PLEKHA5: variants seen among roughly 807,000 people sequenced by gnomAD.
PLEKHA5 encodes pleckstrin homology domain containing A5.
PLEKHA5 carries 55 observed loss-of-function variants against 181.9 expected under a neutral mutation model. The observed-to-expected ratio is 0.30, with a 90% CI of 0.24 to 0.38. PLEKHA5 has a LOEUF of 0.38. Ranked by LOEUF, PLEKHA5 falls within the 10% of genes least tolerant of loss-of-function variation. The probability of loss-of-function intolerance (pLI) is 1.00; values close to 1 mark genes in which losing one functional copy is unlikely to be tolerated. For synonymous variants in PLEKHA5, 535 were observed against 529.4 expected, an observed-to-expected ratio of 1.01 and a Z score of -0.15; for missense variants, 1,432 against 1,549.5, an observed-to-expected ratio of 0.92 and a Z score of 1.27.
At chr12:19,366,474 G>A (rs529313940) in intron 30 of PLEKHA5, among the ~76,000 whole-genome samples, 21 of 152,218 alleles carry the variant, frequency 1.4e-4, no homozygotes, top group Admixed American at 3.3e-4. Flanking sequence ...CCAAGATAGT[G>A]AAACCCCGTC....
At chr12:19,272,763 T>C (rs1006728258) in intron 10 of PLEKHA5, among the ~76,000 whole-genome samples, 3 of 152,194 alleles carry the variant, frequency 2.0e-5, no homozygotes, top group African/African-American at 7.2e-5. Context: ...ATAATCATGA[T>C]GACAGTAATA....
Position 19,336,625 on chromosome 12 carries a change from G to A in PLEKHA5, c.2550+9G>A. The A allele has an allele frequency of 6.8e-7, 1 of 1,461,056 alleles. No homozygotes were observed. The allele number at this position is 1,461,056 out of a possible 1,614,324, so 90.5% of individuals were successfully genotyped here. ...ACCTTGGTGAAGTTCAGGTACAAAA[G>A]TATAATATTCTTTATATTGTTTTAA... On this transcript the variant is annotated intron_variant, in intron 21 of 31. Coordinates refer to ENST00000429027, the MANE Select transcript of PLEKHA5 (RefSeq NM_001256470.2).
intron 29 of PLEKHA5, among the ~76,000 whole-genome samples, chr12:19,364,547 C>A (rs1202538533): frequency 6.6e-6 from 1 of 151,960 alleles, no homozygotes; most frequent in African/African-American, 2.4e-5. Flanking sequence ...CTTTGCTAGC[C>A]CTAATGCCAT....
intron 20 of PLEKHA5, among the ~76,000 whole-genome samples, chr12:19,330,829 A>G (rs1408829955): frequency 6.6e-6 from 1 of 152,154 alleles, no homozygotes; most frequent in Non-Finnish European, 1.5e-5. Context: ...TAATTTAAAT[A>G]TCATAAGGCT....
At chr12:19,179,378 C>T (rs60354509) in intron 3 of PLEKHA5, among the ~76,000 whole-genome samples, 15,809 of 152,116 alleles carry the variant, frequency 0.1, 1,111 homozygotes, top group African/African-American at 0.2. Flanking sequence ...AAGTGTTGGC[C>T]GGGCGTGGTG....
intron 6 of PLEKHA5, among the ~76,000 whole-genome samples, chr12:19,258,099 C>G (rs2067340788): frequency 6.6e-6 from 1 of 151,790 alleles, no homozygotes; most frequent in South Asian, 2.1e-4. Context: ...AGGGTTTACT[C>G]TCAGGCGTCC....
chr12:19,132,495 T>A (rs2034221736), intron 3 of PLEKHA5, 45 bp downstream of exon 3: 2 of 939,692 alleles, frequency 2.1e-6, no homozygotes, highest in South Asian at 2.7e-5. Flanking sequence ...ATTAGAATGC[T>A]GTGATTACTC....
intron 25 of PLEKHA5, among the ~76,000 whole-genome samples, chr12:19,353,336 T>C (rs2094715044): frequency 6.6e-6 from 1 of 151,790 alleles, no homozygotes; most frequent in Admixed American, 6.6e-5. Context: ...GTATTTTTTA[T>C]AGTAGAGATA....
At chr12:19,206,981 G>A (rs1383229265) in intron 3 of PLEKHA5, among the ~76,000 whole-genome samples, 3 of 152,120 alleles carry the variant, frequency 2.0e-5, no homozygotes, top group African/African-American at 4.8e-5. Context: ...GAGGGGATAA[G>A]TCATTCGCTA....
At chr12:19,174,041 C>A (rs962781363) in intron 3 of PLEKHA5, among the ~76,000 whole-genome samples, 2 of 152,168 alleles carry the variant, frequency 1.3e-5, no homozygotes, top group Non-Finnish European at 2.9e-5. Context: ...GTAGGCATCA[C>A]AGCACAGAAA....
intron 21 of PLEKHA5, among the ~76,000 whole-genome samples, chr12:19,337,710 A>T (rs1423095340): frequency 6.6e-6 from 1 of 152,166 alleles, no homozygotes; most frequent in Non-Finnish European, 1.5e-5. Flanking sequence ...CTTAACAGAC[A>T]GATCAATACA....
At chr12:19,344,445 T>C (rs1166918839) in intron 22 of PLEKHA5, among the ~76,000 whole-genome samples, 1 of 152,224 alleles carries the variant, frequency 6.6e-6, no homozygotes, top group Non-Finnish European at 1.5e-5. Context: ...TAAGAATCCA[T>C]TGTATAAGGG....
intron 18 of PLEKHA5, among the ~76,000 whole-genome samples, chr12:19,322,031 T>G (rs1049013077): frequency 6.6e-6 from 1 of 152,174 alleles, no homozygotes; most frequent in Non-Finnish European, 1.5e-5. Flanking sequence ...ATCTATTGTT[T>G]ATATTATTTT....
intron 11 of PLEKHA5, among the ~76,000 whole-genome samples, chr12:19,275,963 T>C (rs755015748): frequency 2.4e-4 from 37 of 152,150 alleles, no homozygotes; most frequent in South Asian, 2.1e-4. Flanking sequence ...TGCAATTTAG[T>C]GTGACAAATA....
intron 31 of PLEKHA5, among the ~76,000 whole-genome samples, chr12:19,370,512 A>C (rs2095547853): frequency 6.6e-6 from 1 of 152,110 alleles, no homozygotes; most frequent in South Asian, 2.1e-4. Context: ...AACTTTTTAT[A>C]AAAGCTCTGG....
intron 3 of PLEKHA5, among the ~76,000 whole-genome samples, chr12:19,187,326 G>A (rs1591985482): frequency 6.6e-6 from 1 of 152,162 alleles, no homozygotes; most frequent in East Asian, 1.9e-4. Context: ...TCAACAGTAA[G>A]TATTTAATAT....
Position 19,322,680 on chromosome 12 carries a change from T to G in PLEKHA5, c.2448+13T>G. On this transcript the variant is annotated intron_variant, in intron 20 of 31. Coordinates refer to ENST00000429027, the MANE Select transcript of PLEKHA5 (RefSeq NM_001256470.2). ...TCGAGCCACTGCCGTAAGTAGATTTTTTTTTTCCCCTAATAAAAGTAGCTT... is the reference window on the plus strand; with the variant it reads ...TCGAGCCACTGCCGTAAGTAGATTTGTTTTTTCCCCTAATAAAAGTAGCTT... 2 of 1,592,340 alleles carry G rather than the reference T, an allele frequency of 1.3e-6. No individual in the cohort carries two copies. Among genetic ancestry groups the G allele is most frequent in the South Asian group, 2.3e-5 (2 of 86,856 alleles).
At chr12:19,340,131 A>T (rs2093741729) in intron 21 of PLEKHA5, among the ~76,000 whole-genome samples, 1 of 152,166 alleles carries the variant, frequency 6.6e-6, no homozygotes, top group Admixed American at 6.6e-5. Context: ...AAGATGACCT[A>T]CTGGGAGGAT....
intron 15 of PLEKHA5, among the ~76,000 whole-genome samples, chr12:19,299,965 C>T (rs1270068816): frequency 6.6e-6 from 1 of 152,192 alleles, no homozygotes; most frequent in Admixed American, 6.5e-5. Flanking sequence ...TTTCTCCAGC[C>T]AGTGACTCAC....
Sources: allele counts gnomAD v4.1 joint callset (sites outside exome capture counted in the v4.1 genomes callset), GRCh38; gene constraint gnomAD v4.1.1; transcripts MANE v1.5; gene names NCBI Gene and HGNC (gene_info 2026-07-23, HGNC 2026-07-21).